PCDH11X: variants seen among roughly 807,000 people sequenced by gnomAD.
The protein encoded by PCDH11X is protocadherin-11 X-linked.
Under a neutral mutation model 53.3 loss-of-function variants are expected in PCDH11X, and 18 were observed. The ratio of observed to expected loss-of-function variants is 0.34; its 90% CI spans 0.23 to 0.50. The LOEUF is 0.50. Ranked by LOEUF, PCDH11X falls within the 20% of genes least tolerant of loss-of-function variation. The pLI is 0.98. For missense variants in PCDH11X, 570 were observed against 1,032.4 expected (o/e 0.55, Z 6.14); for synonymous variants, 279 against 393.3 (o/e 0.71, Z 3.44).
At chrX:92,005,417 C>A (rs188801965) in intron 6 of PCDH11X, among the ~76,000 whole-genome samples, 8 of 111,215 alleles carry the variant, frequency 7.2e-5, no homozygotes, top group African/African-American at 2.3e-4. Flanking sequence ...CTTATATCCC[C>A]TTATTTTAAT....
chrX:92,597,166 G>A (rs944494028), intron 10 of PCDH11X, among the ~76,000 whole-genome samples: 12 of 111,175 alleles, frequency 1.1e-4, no homozygotes, highest in African/African-American at 3.9e-4. Flanking sequence ...TATAATACTG[G>A]AATTCCTAGC....
chrX:91,832,604 T>G (rs928155779), intron 4 of PCDH11X, among the ~76,000 whole-genome samples: 37 of 106,092 alleles, frequency 3.5e-4, no homozygotes, highest in African/African-American at 1.2e-3. Context: ...GTAACAAACC[T>G]GCATGTTGTG....
intron 8 of PCDH11X, among the ~76,000 whole-genome samples, chrX:92,273,427 T>G (rs1046033962): frequency 9.0e-6 from 1 of 111,636 alleles, no homozygotes. Context: ...TCACTTCTTT[T>G]GTGATTCTTC....
chrX:91,976,670 T>C (rs2062051399), intron 6 of PCDH11X, among the ~76,000 whole-genome samples: 1 of 111,413 alleles, frequency 9.0e-6, no homozygotes, highest in African/African-American at 3.3e-5. Flanking sequence ...TGTTCTTTCT[T>C]TTATGCTATC....
intron 9 of PCDH11X, among the ~76,000 whole-genome samples, chrX:92,462,968 A>G (rs908886196): frequency 9.0e-6 from 1 of 111,302 alleles, no homozygotes; most frequent in African/African-American, 3.3e-5. Context: ...AAATAATGTG[A>G]TCATATATAA....
intron 6 of PCDH11X, among the ~76,000 whole-genome samples, chrX:92,187,291 C>T (rs1351738106): frequency 1.8e-5 from 2 of 111,636 alleles, no homozygotes; most frequent in African/African-American, 6.5e-5. Flanking sequence ...CATCTGACCT[C>T]CCCTCATACC....
intron 10 of PCDH11X, among the ~76,000 whole-genome samples, chrX:92,529,240 A>C (rs1277620161): frequency 8.9e-6 from 1 of 111,791 alleles, no homozygotes; most frequent in Non-Finnish European, 1.9e-5. Context: ...ATGAGTTATT[A>C]ATGCTAGATG....
At chrX:92,446,468 C>T (rs961412220) in intron 9 of PCDH11X, among the ~76,000 whole-genome samples, 3 of 110,796 alleles carry the variant, frequency 2.7e-5, no homozygotes, top group Non-Finnish European at 3.8e-5. Flanking sequence ...CTGTGCTGTT[C>T]TTGTGATACT....
Position 91,970,074 on chromosome X carries a change from G to A in PCDH11X, c.3033+90801G>A, listed in dbSNP as rs964731974. The stretch of plus-strand genomic sequence containing the variant: ...GTGAGTGTTACAGCTCATAAAGGCA[G>A]CGTATCCAGAGTTGTTCGTTCCTCC... On this transcript the variant is annotated intron_variant, in intron 6 of 10. Coordinates refer to ENST00000682573, the MANE Select transcript of PCDH11X (RefSeq NM_032968.5). 7.2e-5 allele frequency among the ~76,000 whole-genome samples: 8 copies of A among 111,243 alleles called. 1 individual carries two copies. Among genetic ancestry groups the A allele is most frequent in the African/African-American group, 9.8e-5 (3 of 30,573 alleles).
chrX:92,446,785 G>A (rs2072659935), intron 9 of PCDH11X, among the ~76,000 whole-genome samples: 2 of 111,591 alleles, frequency 1.8e-5, no homozygotes, highest in South Asian at 3.7e-4. Context: ...TGGGTAACAA[G>A]CAGGGGTTGG....
intron 6 of PCDH11X, among the ~76,000 whole-genome samples, chrX:92,091,866 T>G (rs1430297405): frequency 9.0e-6 from 1 of 111,214 alleles, no homozygotes; most frequent in Non-Finnish European, 1.9e-5. Context: ...AAAGAGTGCC[T>G]GGCTCTTAGT....
chrX:91,894,014 CT>C (rs1940629923), intron 6 of PCDH11X, among the ~76,000 whole-genome samples: 1 of 111,516 alleles, frequency 9.0e-6, no homozygotes, highest in Non-Finnish European at 1.9e-5. Flanking sequence ...AGGAAACATT[CT>C]GGGAAATTGG....
intron 10 of PCDH11X, among the ~76,000 whole-genome samples, chrX:92,497,272 G>C (rs894675541): frequency 4.7e-4 from 52 of 110,306 alleles, no homozygotes; most frequent in Non-Finnish European, 5.7e-5. Context: ...GACTAAAACT[G>C]GGCTAAGTAG....
intron 7 of PCDH11X, among the ~76,000 whole-genome samples, chrX:92,215,480 G>C (rs1474845152): frequency 4.7e-5 from 4 of 84,787 alleles, no homozygotes; most frequent in Non-Finnish European, 9.4e-5. Flanking sequence ...CAATCTGCAA[G>C]GTGGCAGCGA....
At chrX:92,092,128 C>G (rs148467363) in intron 6 of PCDH11X, among the ~76,000 whole-genome samples, 1 of 111,378 alleles carries the variant, frequency 9.0e-6, no homozygotes, top group East Asian at 2.8e-4. Flanking sequence ...GGGTGTGACT[C>G]CCCAGACCCC....
At chrX:92,133,533 A>C (rs1290837543) in intron 6 of PCDH11X, among the ~76,000 whole-genome samples, 2 of 111,239 alleles carry the variant, frequency 1.8e-5, no homozygotes, top group East Asian at 5.7e-4. Context: ...CGCCGGGCTA[A>C]TTTTGTATTT....
intron 6 of PCDH11X, among the ~76,000 whole-genome samples, chrX:92,166,924 A>G (rs988895718): frequency 1.1e-4 from 12 of 110,786 alleles, no homozygotes; most frequent in Non-Finnish European, 2.3e-4. Context: ...CATCTAGGCA[A>G]AAAGGCAATT....
At chrX:92,342,932 G>T (rs2069799775) in intron 8 of PCDH11X, among the ~76,000 whole-genome samples, 1 of 112,193 alleles carries the variant, frequency 8.9e-6, no homozygotes, top group South Asian at 3.7e-4. Context: ...TCTTATAGAT[G>T]ATGAAATGAT....
At chrX:92,568,237 C>T (rs777845518) in intron 10 of PCDH11X, among the ~76,000 whole-genome samples, 9 of 109,784 alleles carry the variant, frequency 8.2e-5, no homozygotes, top group East Asian at 2.9e-4. Flanking sequence ...CTGACTAACA[C>T]GGTGAAACCT....
Sources: gnomAD v4.1 joint callset for allele counts (sites outside exome capture counted in the v4.1 genomes callset) on GRCh38, gnomAD v4.1.1 for gene constraint, MANE v1.5 for transcripts, NCBI Gene and HGNC (gene_info 2026-07-23, HGNC 2026-07-21) for gene names.